The following TLR5 variants were observed in gnomAD, a reference collection of about 807,000 sequenced individuals.
TLR5 encodes toll-like receptor 5.
For missense variants in TLR5, 944 were observed against 999.8 expected (o/e 0.94, Z 0.75); for synonymous variants, 373 against 384.4 (o/e 0.97, Z 0.35).
In TLR5 at chr1:223,111,181, A is replaced by G. The variant is rs773113683; in HGVS notation, c.1851T>C (p.Ser617=). The G allele has an allele frequency of 1.9e-6, 3 of 1,614,236 alleles. No individual in the cohort carries two copies. Among genetic ancestry groups the G allele is most frequent in the Admixed American group, 3.3e-5 (2 of 60,028 alleles). The change falls in exon 6 of 6, where the codon TCT becomes TCC. Residue 617 remains serine, a synonymous_variant. Transcript: ENST00000642603. ...TGGAAAGAGAGAAGAGGGAAACCCC[A>G]GAGAACGAGTCAGGGTACACACAAT... is the stretch of plus-strand genomic sequence containing the variant. ...DIYCVYPDSF[S]GVSLFSLSTE...
At chr1:223,134,070 C>G (rs1248467759) in intron 4 of TLR5, among the ~76,000 whole-genome samples, 1 of 152,290 alleles carries the variant, frequency 6.6e-6, no homozygotes, top group Non-Finnish European at 1.5e-5. Flanking sequence ...TGGGCGAGTG[C>G]TGAACCTCTC....
chr1:223,138,005 C>G (rs894291509), intron 2 of TLR5, among the ~76,000 whole-genome samples: 1 of 124,724 alleles, frequency 8.0e-6, no homozygotes, highest in African/African-American at 3.1e-5. Context: ...ATCACCCAGA[C>G]TGGAGTGAAG....
intron 5 of TLR5, among the ~76,000 whole-genome samples, chr1:223,115,026 T>C (rs984066823): frequency 6.6e-6 from 1 of 152,224 alleles, no homozygotes; most frequent in Non-Finnish European, 1.5e-5. Context: ...GCTTTCATTT[T>C]CCAGCCAGCA....
chr1:223,115,234 A>T (rs1656567618), intron 5 of TLR5, among the ~76,000 whole-genome samples: 1 of 152,096 alleles, frequency 6.6e-6, no homozygotes, highest in Admixed American at 6.5e-5. Context: ...AGCACCCATT[A>T]TGTGTCAGGC....
chr1:223,139,070 A>G (rs1037178624), intron 2 of TLR5, among the ~76,000 whole-genome samples: 1 of 152,216 alleles, frequency 6.6e-6, no homozygotes, highest in African/African-American at 2.4e-5. Context: ...GGCCTCCCCA[A>G]CCATGTGGAA....
rs200775737 is a variant in TLR5 at position 223,110,908 on chromosome 1, C to G, written c.2124G>C (p.Gln708His). 222 of 1,614,234 alleles carry G rather than the reference C, an allele frequency of 1.4e-4. No homozygotes were observed. In the East Asian group the frequency reaches 1.6e-3, roughly 12 times the overall value. Residue 708 changes from glutamine (Q) to histidine (H), a missense_variant, in exon 6 of 6, where the codon CAG (glutamine) becomes CAC (histidine). Coordinates refer to ENST00000642603, the MANE Select transcript of TLR5 (RefSeq NM_003268.6). ...CFSSKDFTWV[Q>H]NALLKHLDTQ... ...TGTCCAGGTGTTTGAGCAAAGCATT[C>G]TGCACCCATGTGAAGTCTTTGCTGC...
intron 5 of TLR5, among the ~76,000 whole-genome samples, chr1:223,120,250 C>T (rs1656896694): frequency 6.6e-6 from 1 of 152,134 alleles, no homozygotes. Context: ...CATTTACCAT[C>T]TATTCTTTCT....
rs147970710 is a variant in TLR5, at chr1:223,124,301, T to C, written c.-5+8174A>G. On this transcript the variant is annotated intron_variant, in intron 5 of 5. Transcript: ENST00000642603. ...CTATTAAAAATTCAAAAATTAGCTG[T>C]GTGTGGTGGTGGGTGCCTGTAATTC... Among the ~76,000 whole-genome samples, 704 of 151,836 alleles carry C rather than the reference T, an allele frequency of 4.6e-3. 22 individuals are homozygous for C. The East Asian group carries it at 0.067, about 14-fold the overall frequency.
chr1:223,139,318 G>T (rs781259669), intron 2 of TLR5, among the ~76,000 whole-genome samples: 4 of 152,180 alleles, frequency 2.6e-5, no homozygotes, highest in Non-Finnish European at 5.9e-5. Flanking sequence ...GCTGATGGGG[G>T]ATACATCAAG....
intron 5 of TLR5, among the ~76,000 whole-genome samples, chr1:223,117,226 C>G (rs1394571511): frequency 1.3e-5 from 2 of 152,164 alleles, no homozygotes; most frequent in Non-Finnish European, 2.9e-5. Context: ...CTGCCCCTGG[C>G]TGCTCCGAGT....
rs565048150 is a variant in TLR5, at chr1:223,117,960, C to A, written c.-4-4925G>T. On this transcript the variant is annotated intron_variant, in intron 5 of 5. Coordinates refer to ENST00000642603, the MANE Select transcript of TLR5 (RefSeq NM_003268.6). Reference sequence around the variant, plus strand: ...AGTGATTTTCCGAAATGGTGAATAACGCTGTCAATAAAAAAGAGTCAAACT... The same window carrying A: ...AGTGATTTTCCGAAATGGTGAATAAAGCTGTCAATAAAAAAGAGTCAAACT... Among the ~76,000 whole-genome samples, 407 of 152,324 alleles carry A rather than the reference C, an allele frequency of 2.7e-3. 3 individuals carry two copies. The highest frequency in any genetic ancestry group is 9.2e-3 in the African/African-American group (384 of 41,570).
rs1656360599 is a variant in TLR5 at position 223,111,868 on chromosome 1, G to A, written c.1164C>T (p.Thr388=). Residue 388 remains threonine, a synonymous_variant, in exon 6 of 6, where the codon ACC becomes ACT. Coordinates refer to ENST00000642603, the MANE Select transcript of TLR5 (RefSeq NM_003268.6). ...TAAGAGCATTGTCTCGGAGATCCAA[G>A]GTCTGTAATTTTTCCAGGAATTTGA... ...QTFKFLEKLQ[T]LDLRDNALTT... 6.2e-7 allele frequency: 1 copy of A among 1,613,870 alleles called. No homozygotes were observed.
At chr1:223,127,449 G>A (rs913571750) in intron 5 of TLR5, 7 of 152,166 alleles carry the variant, frequency 4.6e-5, no homozygotes, top group Admixed American at 2.6e-4. Context: ...ATAAAGGCTC[G>A]AGGGCAGTGA....
rs1656216570 is a variant in TLR5, at chr1:223,109,480, T to A, written c.*975A>T. The A allele has an allele frequency of 6.6e-6, 1 of 151,490 alleles. No individual in the cohort carries two copies. 9.4% of individuals were successfully genotyped at this position (151,490 alleles called of 1,614,324 possible). A position where few individuals can be genotyped will look rare whatever the true frequency, so the allele number is the denominator to read the frequency against. ...AATTGCAACTGCCCCCCAGGAGGCC[T>A]TCAGTGTATGTGTTCTCTTGTGGTC... is the stretch of plus-strand genomic sequence containing the variant. On this transcript the variant is annotated 3_prime_UTR_variant, in exon 6 of 6. Coordinates refer to ENST00000642603, the MANE Select transcript of TLR5 (RefSeq NM_003268.6).
Position 223,111,428 on chromosome 1 carries a change from G to C in TLR5, c.1604C>G (p.Ser535Cys). Residue 535 changes from serine (S) to cysteine (C), a missense_variant, in exon 6 of 6, where the codon TCC (serine) becomes TGC (cysteine). By Grantham distance (112) the Ser-to-Cys change is moderately radical. Transcript: ENST00000642603. The stretch of plus-strand genomic sequence containing the variant: ...GTGAGAAAGAACTGTCAGCCTGTTG[G>C]AGTTGAGGCTTAGTCCCCTTAATGC... ...LTALRGLSLNSNRLTVLSHND... is the reference protein window; with the variant it reads ...LTALRGLSLNCNRLTVLSHND... 1 of 1,614,214 alleles carries C rather than the reference G, an allele frequency of 6.2e-7. No homozygotes were observed. Among genetic ancestry groups the C allele is most frequent in the Non-Finnish European group, 8.5e-7 (1 of 1,180,040 alleles).
rs375841511 is a variant in TLR5, at chr1:223,131,491, A to C, written c.-5+984T>G. On this transcript the variant is annotated intron_variant, in intron 5 of 5. Transcript: ENST00000642603. The surrounding 1 kb of genome is among the most constrained non-coding windows in gnomAD (Gnocchi z 4.2). ...CATCCCATTCCAACTCCCCCGTCAA[A>C]GGCCACCTCAGAAGCCACCTCTGCC... Among the ~76,000 whole-genome samples the C allele has an allele frequency of 3.9e-5, 6 of 152,338 alleles. No individual in the cohort carries two copies. The South Asian group carries it at 6.2e-4, about 16-fold the overall frequency.
intron 5 of TLR5, among the ~76,000 whole-genome samples, chr1:223,125,008 G>A (rs1043129679): frequency 1.3e-5 from 2 of 152,196 alleles, no homozygotes; most frequent in Non-Finnish European, 2.9e-5. Flanking sequence ...GGAGAATGAG[G>A]TAGCTGACTA....
rs773354054 is a variant in TLR5, at chr1:223,111,041, CG to C, written c.1990del (p.Arg664GlyfsTer95). On this transcript the variant is annotated frameshift_variant, in exon 6 of 6. Coordinates refer to ENST00000642603, the MANE Select transcript of TLR5 (RefSeq NM_003268.6). LOFTEE classifies it low-confidence loss of function (END_TRUNC). ...CTTATAACAGATAAAACAGAAGCCC[CG>C]GAACTTTGTGACTGTGAGGATGGTC... ...LMTILTVTKF[R>X]GFCFICYKTA... 1 of 1,614,112 alleles carries C rather than the reference CG, an allele frequency of 6.2e-7. No homozygotes were observed. The highest frequency in any genetic ancestry group is 8.5e-7 in the Non-Finnish European group (1 of 1,180,032).
chr1:223,115,807 G>A (rs1656603814), intron 5 of TLR5, among the ~76,000 whole-genome samples: 2 of 152,162 alleles, frequency 1.3e-5, no homozygotes, highest in South Asian at 4.1e-4. Flanking sequence ...ATTAGAGCAG[G>A]TGTCTAACAG....
Sources: gnomAD v4.1 joint callset for allele counts (sites outside exome capture counted in the v4.1 genomes callset) on GRCh38, gnomAD v4.1.1 for gene constraint, Gnocchi (gnomAD v3.1) non-coding constraint, MANE v1.5 for transcripts, NCBI Gene and HGNC (gene_info 2026-07-23, HGNC 2026-07-21) for gene names.